TFEC: variants seen among roughly 807,000 people sequenced by gnomAD.
TFEC encodes the protein transcription factor EC, also known as class E basic helix-loop-helix protein 34.
A neutral mutation model predicts 41.6 loss-of-function variants in TFEC; 31 were observed. The ratio of observed to expected loss-of-function variants is 0.74; its 90% CI spans 0.56 to 1.01. TFEC has a LOEUF of 1.01. TFEC is among the 50% of genes least tolerant of loss of function. TFEC has a pLI of 0.00. For missense variants in TFEC, 402 were observed against 404.1 expected, an observed-to-expected ratio of 0.99 and a Z score of 0.04; for synonymous variants, 143 against 140.6, an observed-to-expected ratio of 1.02 and a Z score of -0.12.
intron 1 of TFEC, among the ~76,000 whole-genome samples, chr7:116,154,435 T>C (rs1798827506): frequency 6.6e-6 from 1 of 151,902 alleles, no homozygotes; most frequent in African/African-American, 2.4e-5. Context: ...CCTTCAAGAG[T>C]TTCATAATTC....
chr7:116,094,846 C>A (rs574314596), intron 3 of TFEC, among the ~76,000 whole-genome samples: 19 of 152,194 alleles, frequency 1.2e-4, no homozygotes, highest in African/African-American at 4.1e-4. Context: ...ATAATAGCAC[C>A]AGTATTATGG....
intron 3 of TFEC, among the ~76,000 whole-genome samples, chr7:116,058,747 G>A (rs570425045): frequency 1.5e-4 from 23 of 151,708 alleles, no homozygotes; most frequent in African/African-American, 4.3e-4. Context: ...CTGGGAAATC[G>A]CCAAATATTT....
chr7:115,958,230 GCAGA>G (rs1792340832), intron 3 of TFEC, among the ~76,000 whole-genome samples: 1 of 151,798 alleles, frequency 6.6e-6, no homozygotes, highest in African/African-American at 2.4e-5. Flanking sequence ...AGCAAATTAG[GCAGA>G]CAATGTGTGT....
At chr7:116,094,817 C>T (rs1025633797) in intron 3 of TFEC, among the ~76,000 whole-genome samples, 11 of 152,148 alleles carry the variant, frequency 7.2e-5, no homozygotes, top group Non-Finnish European at 1.6e-4. Flanking sequence ...ATTCAGTGGT[C>T]AATTTATTGT....
At chr7:116,085,224 T>C (rs531099858) in intron 3 of TFEC, among the ~76,000 whole-genome samples, 2 of 151,974 alleles carry the variant, frequency 1.3e-5, no homozygotes, top group South Asian at 2.1e-4. Context: ...ATTAGAAAGA[T>C]AGATAGAAAC....
In TFEC at chr7:116,096,421, T is replaced by C. The variant is rs573756503; in HGVS notation, c.198+14287A>G. Among the ~76,000 whole-genome samples, 5 of 152,306 alleles carry C rather than the reference T, an allele frequency of 3.3e-5. No homozygotes were observed. The South Asian group carries it at 8.3e-4, about 25-fold the overall frequency. ...TAAACTGTATTTCTCTCTCCAAAAA[T>C]AAAACAAAAGAAAAAAGGAAGGTTG... is the stretch of plus-strand genomic sequence containing the variant. On this transcript the variant is annotated intron_variant, in intron 3 of 8. Transcript: ENST00000484212.
intron 3 of TFEC, among the ~76,000 whole-genome samples, chr7:115,957,416 T>C (rs1031155155): frequency 7.2e-5 from 11 of 151,884 alleles, no homozygotes; most frequent in African/African-American, 2.4e-4. Context: ...CTAGTGAATA[T>C]AGGGTACATC....
chr7:116,126,431 T>A (rs934551344), intron 1 of TFEC, among the ~76,000 whole-genome samples: 3 of 151,280 alleles, frequency 2.0e-5, no homozygotes, highest in Admixed American at 2.0e-4. Context: ...AAAAAGAAAA[T>A]AAAGAGGGCA....
At chr7:115,991,249 T>C (rs1177620242) in intron 1 of TFEC, among the ~76,000 whole-genome samples, 3 of 152,122 alleles carry the variant, frequency 2.0e-5, no homozygotes, top group Non-Finnish European at 4.4e-5. Context: ...AAGGAACAAC[T>C]AGTACAAGCC....
chr7:115,985,845 T>G (rs543395866), intron 1 of TFEC, among the ~76,000 whole-genome samples: 1 of 152,262 alleles, frequency 6.6e-6, no homozygotes, highest in South Asian at 2.1e-4. Flanking sequence ...CTATTTATAT[T>G]ATCCTACTGT....
At chr7:115,968,290 TG>T in intron 3 of TFEC, 1 of 1,518,954 alleles carries the variant, frequency 6.6e-7, no homozygotes, top group Non-Finnish European at 8.8e-7. Context: ...CCAAGAGAAC[TG>T]TGTGGAAACT....
chr7:115,993,586 A>T (rs1794222779), intron 1 of TFEC, among the ~76,000 whole-genome samples: 1 of 152,202 alleles, frequency 6.6e-6, no homozygotes, highest in African/African-American at 2.4e-5. Context: ...GAGCCAAACC[A>T]TGAGTGAACT....
chr7:116,139,990 G>T (rs1798508925), intron 1 of TFEC, among the ~76,000 whole-genome samples: 1 of 152,184 alleles, frequency 6.6e-6, no homozygotes, highest in African/African-American at 2.4e-5. Context: ...AAAGCAAAAG[G>T]GAGCACCATA....
At chr7:116,040,115 C>G (rs113295753) in intron 3 of TFEC, among the ~76,000 whole-genome samples, 225 of 152,100 alleles carry the variant, frequency 1.5e-3, no homozygotes, top group African/African-American at 4.9e-3. Context: ...TGTCCTGAAA[C>G]CTTTTGGTCA....
chr7:116,046,571 G>A (rs1259262820), intron 3 of TFEC, among the ~76,000 whole-genome samples: 3 of 152,112 alleles, frequency 2.0e-5, no homozygotes, highest in Non-Finnish European at 2.9e-5. Flanking sequence ...GTGTGAAAAT[G>A]AAATAATATA....
chr7:116,033,091 C>A (rs1277493167), upstream of TFEC, among the ~76,000 whole-genome samples: 1 of 151,156 alleles, frequency 6.6e-6, no homozygotes, highest in Non-Finnish European at 1.5e-5. Context: ...GTTAATTAAT[C>A]ACGTGACAAA....
chr7:115,984,145 T>C (rs1389995022), intron 2 of TFEC, 117 bp downstream of exon 2: 5 of 1,278,608 alleles, frequency 3.9e-6, no homozygotes, highest in Non-Finnish European at 5.4e-6. Flanking sequence ...TAAAAGCACA[T>C]TTCTTTTGTT....
chr7:116,075,589 C>T (rs186841486), intron 3 of TFEC, among the ~76,000 whole-genome samples: 50 of 152,186 alleles, frequency 3.3e-4, no homozygotes, highest in South Asian at 1.9e-3. Context: ...TGTGTGGGAA[C>T]GGGATGAGGC....
intron 1 of TFEC, among the ~76,000 whole-genome samples, chr7:116,004,882 T>A (rs1046961419): frequency 1.3e-5 from 2 of 152,138 alleles, no homozygotes; most frequent in Non-Finnish European, 2.9e-5. Flanking sequence ...CCACACTTCG[T>A]GGGAGGGACC....
Sources: allele counts gnomAD v4.1 joint callset (sites outside exome capture counted in the v4.1 genomes callset), GRCh38; gene constraint gnomAD v4.1.1; transcripts MANE v1.5; gene names NCBI Gene and HGNC (gene_info 2026-07-23, HGNC 2026-07-21).